KCNK9: variants seen among roughly 807,000 people sequenced by gnomAD.
KCNK9 encodes potassium channel subfamily K member 9.
KCNK9 carries 1 observed loss-of-function variant against 10.8 expected under a neutral mutation model. The ratio of observed to expected loss-of-function variants is 0.09; its 90% CI spans 0.03 to 0.44. The LOEUF is 0.44. Ranked by LOEUF, KCNK9 falls within the 20% of genes least tolerant of loss-of-function variation. The probability of loss-of-function intolerance (pLI) is 0.97; values close to 1 mark genes in which losing one functional copy is unlikely to be tolerated. For missense variants in KCNK9, 303 were observed against 515.0 expected, an observed-to-expected ratio of 0.59 and a Z score of 3.98; for synonymous variants, 231 against 222.7, an observed-to-expected ratio of 1.04 and a Z score of -0.33.
At chr8:139,684,039 G>A (rs1816741888) in intron 1 of KCNK9, among the ~76,000 whole-genome samples, 1 of 152,164 alleles carries the variant, frequency 6.6e-6, no homozygotes, top group African/African-American at 2.4e-5. Context: ...AATACACTAA[G>A]GAAGACAAAG....
intron 1 of KCNK9, among the ~76,000 whole-genome samples, chr8:139,672,888 T>C (rs1816466892): frequency 6.6e-6 from 1 of 152,198 alleles, no homozygotes; most frequent in Admixed American, 6.5e-5. Context: ...CCTGCCCGGA[T>C]CTTCCCTGGC....
At chr8:139,694,146 G>A (rs1352314009) in intron 1 of KCNK9, among the ~76,000 whole-genome samples, 1 of 152,146 alleles carries the variant, frequency 6.6e-6, no homozygotes, top group African/African-American at 2.4e-5. Flanking sequence ...GATTAGATCA[G>A]GGGTTCGGCG....
intron 1 of KCNK9, among the ~76,000 whole-genome samples, chr8:139,645,800 G>A (rs567382312): frequency 6.6e-6 from 1 of 152,144 alleles, no homozygotes. Context: ...ATCCACCATC[G>A]CCTGGCCCCT....
downstream of KCNK9, chr8:139,616,698 G>A (rs1176674977): frequency 6.6e-6 from 1 of 152,150 alleles, no homozygotes; most frequent in Non-Finnish European, 1.5e-5. Flanking sequence ...TGTTCCTTCT[G>A]AGTATAGCCA....
intron 1 of KCNK9, among the ~76,000 whole-genome samples, chr8:139,645,205 C>A (rs946116852): frequency 6.6e-6 from 1 of 152,188 alleles, no homozygotes; most frequent in Non-Finnish European, 1.5e-5. Flanking sequence ...GCTGTGGGCC[C>A]GAGGAAGACC....
At chr8:139,647,430 T>G (rs1477623941) in intron 1 of KCNK9, among the ~76,000 whole-genome samples, 1 of 152,182 alleles carries the variant, frequency 6.6e-6, no homozygotes, top group Non-Finnish European at 1.5e-5. Flanking sequence ...CAGCTCAGAT[T>G]CTCATGTGGG....
intron 1 of KCNK9, among the ~76,000 whole-genome samples, chr8:139,679,030 GTTTTT>G (rs997183898): frequency 6.6e-6 from 1 of 152,018 alleles, no homozygotes. Context: ...GGTTTGCTTT[GTTTTT>G]TTTAACAGCC....
At chr8:139,679,724 G>T (rs193039334) in intron 1 of KCNK9, among the ~76,000 whole-genome samples, 1 of 152,330 alleles carries the variant, frequency 6.6e-6, no homozygotes, top group East Asian at 1.9e-4. Flanking sequence ...AAGAAGCCCA[G>T]GTTCTACCTT....
At chr8:139,642,763 C>G (rs1211807100) in intron 1 of KCNK9, among the ~76,000 whole-genome samples, 1 of 152,334 alleles carries the variant, frequency 6.6e-6, no homozygotes, top group South Asian at 2.1e-4. Context: ...CAGGAGGGGA[C>G]AGTACTGTTT....
chr8:139,610,012 C>T (rs1470334866), downstream of KCNK9, among the ~76,000 whole-genome samples: 1 of 152,022 alleles, frequency 6.6e-6, no homozygotes, highest in African/African-American at 2.4e-5. Context: ...TTGATTCCAC[C>T]CATGTTCCCT....
intron 1 of KCNK9, among the ~76,000 whole-genome samples, chr8:139,683,132 C>T (rs3780032): frequency 0.43 from 64,605 of 151,962 alleles, 15,084 homozygotes; most frequent in Non-Finnish European, 0.53. Context: ...AGGGTCACAG[C>T]ACTGACACCC....
chr8:139,664,810 C>T (rs1234768583), intron 1 of KCNK9, among the ~76,000 whole-genome samples: 5 of 152,208 alleles, frequency 3.3e-5, no homozygotes, highest in South Asian at 2.1e-4. Flanking sequence ...TCCCAAGAGC[C>T]AGCTCCTCCA....
rs536036064 is a variant in KCNK9, at chr8:139,617,579, C to T, written c.*679G>A. ...GAACCTAGCATTTAGAAAATATGGCCATGACACATCAGGGATAAGAACTGC... is the reference window on the plus strand; with the variant it reads ...GAACCTAGCATTTAGAAAATATGGCTATGACACATCAGGGATAAGAACTGC... On this transcript the variant is annotated 3_prime_UTR_variant, in exon 2 of 2. Coordinates refer to ENST00000520439, the MANE Select transcript of KCNK9 (RefSeq NM_001282534.2). Among the ~76,000 whole-genome samples the T allele has an allele frequency of 6.6e-6, 1 of 152,220 alleles. No homozygotes were observed. Among genetic ancestry groups the T allele is most frequent in the African/African-American group, 2.4e-5 (1 of 41,530 alleles).
At chr8:139,603,381 A>G (rs186827764) in intron 2 of KCNK9, among the ~76,000 whole-genome samples, 1 of 152,326 alleles carries the variant, frequency 6.6e-6, no homozygotes, top group African/African-American at 2.4e-5. Flanking sequence ...AGTTCTCATT[A>G]GGGAGCAAAA....
intron 1 of KCNK9, among the ~76,000 whole-genome samples, chr8:139,648,955 AC>A (rs1815772842): frequency 6.6e-6 from 1 of 152,232 alleles, no homozygotes. Flanking sequence ...GAAGAAAGCC[AC>A]TGGACGCCTA....
rs75954312 is a variant in KCNK9 at position 139,659,220 on chromosome 8, T to A, written c.284-40121A>T. ...CTGTCAGGGACTTGCTAAAGGTCCC[T>A]CACTTGCTAGGGGTGGCTCCAGGCT... On this transcript the variant is annotated intron_variant, in intron 1 of 1. Transcript: ENST00000520439. Among the ~76,000 whole-genome samples the A allele has an allele frequency of 7.5e-3, 1,138 of 152,316 alleles. 13 individuals are homozygous for A. The highest frequency in any genetic ancestry group is 0.026 in the African/African-American group (1,084 of 41,574).
At chr8:139,642,397 C>T (rs1242547110) in intron 1 of KCNK9, among the ~76,000 whole-genome samples, 3 of 152,336 alleles carry the variant, frequency 2.0e-5, no homozygotes, top group African/African-American at 7.2e-5. Context: ...TAAATTCACT[C>T]GTTTGTTCAA....
In KCNK9 at chr8:139,635,843, G is replaced by A. The variant is rs190207624; in HGVS notation, c.284-16744C>T. 2.3e-3 allele frequency among the ~76,000 whole-genome samples: 350 copies of A among 152,262 alleles called. 1 individual carries two copies. The highest frequency in any genetic ancestry group is 8.1e-3 in the African/African-American group (338 of 41,548). On this transcript the variant is annotated intron_variant, in intron 1 of 1. Transcript: ENST00000520439. The stretch of plus-strand genomic sequence containing the variant: ...AATACCTCTCCTCTATGGCTGAGAG[G>A]AGGTGGTATAGAAGTAATAACAGAG...
At chr8:139,612,033 G>A (rs1207508206), downstream of KCNK9, 1 of 152,188 alleles carries the variant, frequency 6.6e-6, no homozygotes, top group Admixed American at 6.5e-5. Context: ...CCAAAACAAG[G>A]ACTAGGGGAG....
Sources: gnomAD v4.1 joint callset for allele counts (sites outside exome capture counted in the v4.1 genomes callset) on GRCh38, gnomAD v4.1.1 for gene constraint, MANE v1.5 for transcripts, NCBI Gene and HGNC (gene_info 2026-07-23, HGNC 2026-07-21) for gene names.